PCDHGA7: variants seen among roughly 807,000 people sequenced by gnomAD.
PCDHGA7 encodes the protein protocadherin gamma subfamily A, 7.
A neutral mutation model predicts 58.3 loss-of-function variants in PCDHGA7; 44 were observed. The ratio of observed to expected loss-of-function variants is 0.75; its 90% CI spans 0.59 to 0.97. The LOEUF (loss-of-function observed/expected upper bound fraction) is 0.97, where lower values mean the gene tolerates loss of function less well. Among genes scored for constraint, PCDHGA7 ranks in the 50% least tolerant of loss-of-function variants. PCDHGA7 has a pLI of 0.00. For synonymous variants in PCDHGA7, 516 were observed against 504.2 expected (o/e 1.02, Z -0.31); for missense variants, 1,266 against 1,188.7 (o/e 1.06, Z -0.96).
intron 1 of PCDHGA7, chr5:141,387,557 G>C (rs571413429): frequency 2.4e-6 from 1 of 416,144 alleles, no homozygotes; most frequent in South Asian, 5.2e-5. Context: ...TTTCAGTTAG[G>C]CACACAATTA....
In PCDHGA7 at chr5:141,477,806, G is replaced by T; in HGVS notation, c.2425-17001G>T. ...ATTTGTCACTGATCGCAATGACAAT[G>T]CCCCCCAGGTCCTATATCCTCGGCC... On this transcript the variant is annotated intron_variant, in intron 1 of 3. Coordinates refer to ENST00000518325, the MANE Select transcript of PCDHGA7 (RefSeq NM_018920.4). The surrounding 1 kb of genome is among the most constrained non-coding windows in gnomAD (Gnocchi z 4.9). 6.2e-7 allele frequency: 1 copy of T among 1,614,118 alleles called. No homozygotes were observed. The highest frequency in any genetic ancestry group is 8.5e-7 in the Non-Finnish European group (1 of 1,180,036).
chr5:141,427,294 A>G (rs1239553754), intron 1 of PCDHGA7: 6 of 456,876 alleles, frequency 1.3e-5, no homozygotes, highest in Non-Finnish European at 2.2e-5. Context: ...GAAATCCTAG[A>G]TGAGAATGAC....
At chr5:141,443,448 T>C (rs1205977008) in intron 1 of PCDHGA7, among the ~76,000 whole-genome samples, 1 of 152,210 alleles carries the variant, frequency 6.6e-6, no homozygotes, top group African/African-American at 2.4e-5. Context: ...GTTGCGCTCC[T>C]GTACTCCAGT....
intron 1 of PCDHGA7, chr5:141,408,026 G>A (rs1484571389): frequency 2.8e-6 from 3 of 1,081,716 alleles, no homozygotes; most frequent in African/African-American, 3.2e-5. Context: ...ACAACAGAAA[G>A]AAGAAAACCA....
intron 1 of PCDHGA7, among the ~76,000 whole-genome samples, chr5:141,451,727 C>A (rs2098722766): frequency 6.6e-6 from 1 of 152,014 alleles, no homozygotes; most frequent in Admixed American, 6.6e-5. Flanking sequence ...ACTAAAAATA[C>A]AAAAATTAGC....
intron 2 of PCDHGA7, among the ~76,000 whole-genome samples, chr5:141,499,686 T>G (rs1400567357): frequency 1.3e-5 from 2 of 149,346 alleles, no homozygotes; most frequent in Non-Finnish European, 3.0e-5. Flanking sequence ...CTTTAACAGA[T>G]GACTTTTTTT....
chr5:141,421,927 C>T (rs1179128418), intron 1 of PCDHGA7: 2 of 1,613,396 alleles, frequency 1.2e-6, no homozygotes, highest in African/African-American at 2.7e-5. Flanking sequence ...TGTGGTGGTC[C>T]TCGATGTAAA....
At chr5:141,500,223 T>TTG (rs1227708024) in intron 2 of PCDHGA7, among the ~76,000 whole-genome samples, 1 of 145,320 alleles carries the variant, frequency 6.9e-6, no homozygotes, top group Non-Finnish European at 1.5e-5. Flanking sequence ...TTTATTTATT[T>TTG]ATTGATACGT....
rs1224515106 is a variant in PCDHGA7 at position 141,491,453 on chromosome 5, C to T, written c.2425-3354C>T. On this transcript the variant is annotated intron_variant, in intron 1 of 3. Transcript: ENST00000518325. The surrounding 1 kb of genome is among the most constrained non-coding windows in gnomAD (Gnocchi z 6.9). ...TGCTGCAGGCGCCAGGACTCACCCT[C>T]CCCGGACTTCTATAAGCAGTCCAGC... The T allele has an allele frequency of 6.2e-6, 10 of 1,614,120 alleles. No homozygotes were observed. The highest frequency in any genetic ancestry group is 8.5e-6 in the Non-Finnish European group (10 of 1,180,028).
At chr5:141,388,965 G>T (rs1164641835) in intron 1 of PCDHGA7, 1 of 1,613,978 alleles carries the variant, frequency 6.2e-7, no homozygotes, top group Admixed American at 1.7e-5. Context: ...CGCCGAGCTG[G>T]GAACACATAT....
chr5:141,416,042 A>G (rs1024979061), intron 1 of PCDHGA7: 1 of 193,196 alleles, frequency 5.2e-6, no homozygotes, highest in African/African-American at 2.3e-5. Context: ...ACCTCTGGAA[A>G]CACAACCCAA....
rs1203945578 is a variant in PCDHGA7 at position 141,512,055 on chromosome 5, T to G, written c.*882T>G. 6.5e-6 allele frequency: 1 copy of G among 152,698 alleles called. No homozygotes were observed. The highest frequency in any genetic ancestry group is 1.5e-5 in the Non-Finnish European group (1 of 68,092). 9.5% of individuals were successfully genotyped at this position (152,698 alleles called of 1,614,324 possible). The stretch of plus-strand genomic sequence containing the variant: ...GAGGCTCTGTATGTCCTCAGGGGAC[T>G]GACAACATCCTCCAGATTCCAGCCA... On this transcript the variant is annotated 3_prime_UTR_variant, in exon 4 of 4. Transcript: ENST00000518325.
Position 141,384,769 on chromosome 5 carries a change from G to A in PCDHGA7, c.1870G>A (p.Gly624Ser), listed in dbSNP as rs778610936. ...PGLFAVGLYTGEVRTARALLD... is the reference protein window; with the variant it reads ...PGLFAVGLYTSEVRTARALLD... ...ACTCTTTGCGGTTGGGCTGTACACG[G>A]GCGAGGTGCGCACGGCTCGGGCCCT... Residue 624 changes from glycine (G) to serine (S), a missense_variant, in exon 1 of 4, where the codon GGC (glycine) becomes AGC (serine). Transcript: ENST00000518325. The A allele has an allele frequency of 6.2e-7, 1 of 1,613,914 alleles. No individual in the cohort carries two copies. Among genetic ancestry groups the A allele is most frequent in the Non-Finnish European group, 8.5e-7 (1 of 1,180,022 alleles).
chr5:141,418,902 T>A, intron 1 of PCDHGA7: 3 of 1,613,930 alleles, frequency 1.9e-6, no homozygotes, highest in Non-Finnish European at 2.5e-6. Context: ...CCAGAAATAA[T>A]CATCACGTCA....
chr5:141,402,855 T>G, intron 1 of PCDHGA7: 1 of 1,425,070 alleles, frequency 7.0e-7, no homozygotes, highest in Non-Finnish European at 9.2e-7. Flanking sequence ...CTCTTTCTTC[T>G]AAGGAAAAGA....
chr5:141,432,560 A>C lies in PCDHGA7; in HGVS notation c.2424+47237A>C. The C allele has an allele frequency of 2.5e-6, 4 of 1,613,600 alleles. No individual in the cohort carries two copies. Among genetic ancestry groups the C allele is most frequent in the Non-Finnish European group, 3.4e-6 (4 of 1,179,962 alleles). ...GGCGGTGGACAGAGACTCCGGCCAG[A>C]ACGCCTGGCTGTCCTACCGTCTGCT... On this transcript the variant is annotated intron_variant, in intron 1 of 3. Transcript: ENST00000518325. The surrounding 1 kb of genome is among the most constrained non-coding windows in gnomAD (Gnocchi z 6.0).
chr5:141,403,530 AG>A (rs1303990777), intron 1 of PCDHGA7: 2 of 1,613,988 alleles, frequency 1.2e-6, no homozygotes. Context: ...ATAAACCCAG[AG>A]CTGGTGCTGG....
chr5:141,446,075 A>G (rs907731619), intron 1 of PCDHGA7, among the ~76,000 whole-genome samples: 1 of 152,216 alleles, frequency 6.6e-6, no homozygotes, highest in Admixed American at 6.5e-5. Context: ...GAGGCAGTGG[A>G]TGTAGAAATA....
At chr5:141,463,741 C>T (rs1011021860) in intron 1 of PCDHGA7, among the ~76,000 whole-genome samples, 3 of 152,034 alleles carry the variant, frequency 2.0e-5, no homozygotes, top group Admixed American at 1.3e-4. Context: ...CCACCGCGCC[C>T]GGCCTGCTTC....
Sources: gnomAD v4.1 joint callset for allele counts (sites outside exome capture counted in the v4.1 genomes callset) on GRCh38, gnomAD v4.1.1 for gene constraint, Gnocchi (gnomAD v3.1) non-coding constraint, MANE v1.5 for transcripts, NCBI Gene and HGNC (gene_info 2026-07-23, HGNC 2026-07-21) for gene names.